The following COX10 variants were observed in gnomAD, a reference collection of about 807,000 sequenced individuals.
COX10 encodes the protein protoheme IX farnesyltransferase, mitochondrial.
A neutral mutation model predicts 37.3 loss-of-function variants in COX10; 27 were observed. The ratio of observed to expected loss-of-function variants is 0.72; its 90% CI spans 0.53 to 1.00. COX10 has a LOEUF of 1.00. COX10 is among the 50% of genes least tolerant of loss of function. COX10 has a pLI of 0.00. For synonymous variants in COX10, 222 were observed against 229.1 expected, an observed-to-expected ratio of 0.97 and a Z score of 0.28; for missense variants, 475 against 563.2, an observed-to-expected ratio of 0.84 and a Z score of 1.59.
chr17:14,122,926 A>G (rs1367065229), intron 4 of COX10, among the ~76,000 whole-genome samples: 2 of 152,204 alleles, frequency 1.3e-5, no homozygotes, highest in Non-Finnish European at 2.9e-5. Context: ...GCATCCGCCC[A>G]CTTCAGAAAT....
At chr17:14,198,744 G>A (rs867313813) in intron 6 of COX10, among the ~76,000 whole-genome samples, 2 of 152,134 alleles carry the variant, frequency 1.3e-5, no homozygotes, top group Non-Finnish European at 2.9e-5. Context: ...AAGTAGAGTC[G>A]GAGTGAATTT....
chr17:14,191,316 G>C (rs554590602), intron 5 of COX10, among the ~76,000 whole-genome samples: 1 of 147,818 alleles, frequency 6.8e-6, no homozygotes, highest in Admixed American at 6.8e-5. Context: ...TGAAAATCCC[G>C]TGTGCATAAG....
At chr17:14,184,350 T>G (rs571215881) in intron 5 of COX10, among the ~76,000 whole-genome samples, 1 of 152,190 alleles carries the variant, frequency 6.6e-6, no homozygotes, top group Admixed American at 6.5e-5. Context: ...CTGATCCTAC[T>G]CAGCATGCTT....
chr17:14,205,680 A>T (rs187851781), intron 6 of COX10, among the ~76,000 whole-genome samples: 1 of 152,186 alleles, frequency 6.6e-6, no homozygotes, highest in African/African-American at 2.4e-5. Context: ...GGCTTCGTGC[A>T]TGTCATAGAA....
chr17:14,104,939 T>C (rs974655665), intron 4 of COX10, among the ~76,000 whole-genome samples: 3 of 152,186 alleles, frequency 2.0e-5, no homozygotes, highest in Admixed American at 6.5e-5. Context: ...TTAAAGCACA[T>C]ATGCCTTCAA....
intron 4 of COX10, among the ~76,000 whole-genome samples, chr17:14,137,041 T>C (rs936752281): frequency 5.3e-5 from 8 of 151,926 alleles, no homozygotes; most frequent in Non-Finnish European, 7.4e-5. Flanking sequence ...AAGATGTTTT[T>C]AGGTGGTGTG....
At chr17:14,130,755 G>A (rs1170458611) in intron 4 of COX10, among the ~76,000 whole-genome samples, 1 of 151,912 alleles carries the variant, frequency 6.6e-6, no homozygotes, top group Non-Finnish European at 1.5e-5. Context: ...TCATCTTTGT[G>A]GTTTGTTGTC....
chr17:14,153,693 TGA>T (rs1197171101), intron 4 of COX10, among the ~76,000 whole-genome samples: 1 of 152,236 alleles, frequency 6.6e-6, no homozygotes, highest in Non-Finnish European at 1.5e-5. Context: ...TGAAATAGTT[TGA>T]CAGTTTCCTA....
At chr17:14,099,667 TTTCACATAC>T in intron 3 of COX10, among the ~76,000 whole-genome samples, 1 of 152,070 alleles carries the variant, frequency 6.6e-6, no homozygotes, top group Non-Finnish European at 1.5e-5. Flanking sequence ...GGTCTGACTT[TTTCACATAC>T]TTCTCTGCAT....
intron 4 of COX10, among the ~76,000 whole-genome samples, chr17:14,130,117 G>A (rs2142218748): frequency 6.6e-6 from 1 of 152,224 alleles, no homozygotes; most frequent in East Asian, 1.9e-4. Context: ...CATAAGTGAG[G>A]AGTTTCTGCT....
intron 4 of COX10, among the ~76,000 whole-genome samples, chr17:14,115,701 A>G (rs1016501060): frequency 6.6e-6 from 1 of 152,226 alleles, no homozygotes; most frequent in Non-Finnish European, 1.5e-5. Context: ...AGCCATTAAA[A>G]AGAATGAAAT....
At chr17:14,144,954 A>G (rs1177370071) in intron 4 of COX10, among the ~76,000 whole-genome samples, 1 of 152,142 alleles carries the variant, frequency 6.6e-6, no homozygotes, top group African/African-American at 2.4e-5. Context: ...GTTAGAAGAC[A>G]ACAGGCTAAA....
At chr17:14,130,629 A>G (rs899331800) in intron 4 of COX10, among the ~76,000 whole-genome samples, 2 of 151,904 alleles carry the variant, frequency 1.3e-5, no homozygotes, top group African/African-American at 4.8e-5. Context: ...GTTAATTTTT[A>G]AATTTTCTTT....
intron 6 of COX10, among the ~76,000 whole-genome samples, chr17:14,203,852 G>A (rs1906617600): frequency 6.6e-6 from 1 of 152,154 alleles, no homozygotes; most frequent in Admixed American, 6.5e-5. Flanking sequence ...ATAGGACTGT[G>A]GTTACAAATT....
In COX10 at chr17:14,136,659, TA is replaced by T. The variant is rs199831217; in HGVS notation, c.625-23215del. 9.0e-3 allele frequency among the ~76,000 whole-genome samples: 1,365 copies of T among 152,118 alleles called. 23 individuals carry two copies. Among genetic ancestry groups the T allele is most frequent in the African/African-American group, 0.031 (1,303 of 41,524 alleles). ...TACATTTTTATGGCAGGTTTTTTTTTAAATCATCTTATTTATAAGGTTAGCA... is the reference window on the plus strand; with the variant it reads ...TACATTTTTATGGCAGGTTTTTTTTTAATCATCTTATTTATAAGGTTAGCA... On this transcript the variant is annotated intron_variant, in intron 4 of 6. Coordinates refer to ENST00000261643, the MANE Select transcript of COX10 (RefSeq NM_001303.4).
chr17:14,156,902 G>A (rs2142237475), intron 4 of COX10, among the ~76,000 whole-genome samples: 1 of 152,254 alleles, frequency 6.6e-6, no homozygotes, highest in Middle Eastern at 3.4e-3. Flanking sequence ...TGGATTAGGG[G>A]TTGGCAAACA....
intron 3 of COX10, among the ~76,000 whole-genome samples, chr17:14,100,213 A>G (rs975855938): frequency 6.6e-6 from 1 of 152,136 alleles, no homozygotes; most frequent in African/African-American, 2.4e-5. Flanking sequence ...TGCACTGCCA[A>G]CCAACCAAAC....
At chr17:14,103,085 A>G (rs1476349842) in intron 4 of COX10, among the ~76,000 whole-genome samples, 3 of 152,170 alleles carry the variant, frequency 2.0e-5, no homozygotes, top group Admixed American at 6.5e-5. Context: ...AGAAGGATCA[A>G]TCTATTTCAA....
At chr17:14,109,137 T>C (rs1915960739) in intron 4 of COX10, among the ~76,000 whole-genome samples, 2 of 152,208 alleles carry the variant, frequency 1.3e-5, no homozygotes, top group African/African-American at 2.4e-5. Flanking sequence ...TCATGGCTTA[T>C]TCAGATGATT....
Sources: allele counts gnomAD v4.1 joint callset (sites outside exome capture counted in the v4.1 genomes callset), GRCh38; gene constraint gnomAD v4.1.1; transcripts MANE v1.5; gene names NCBI Gene and HGNC (gene_info 2026-07-23, HGNC 2026-07-21).